The following A2ML1 variants were observed in gnomAD, a reference collection of about 807,000 sequenced individuals.
A2ML1 encodes the protein alpha-2-macroglobulin-like protein 1.
In A2ML1, 161 loss-of-function variants were observed where a neutral mutation model predicts 181.9. That is an observed-to-expected ratio of 0.89 (90% CI 0.78 to 1.01). The LOEUF is 1.01. A2ML1 is among the 50% of genes least tolerant of loss of function. The pLI is 0.00. For synonymous variants in A2ML1, 663 were observed against 666.8 expected (o/e 0.99, Z 0.09); for missense variants, 1,670 against 1,768.1 (o/e 0.94, Z 1.00).
intron 33 of A2ML1, among the ~76,000 whole-genome samples, chr12:8,872,049 G>C (rs1944642312): frequency 6.6e-6 from 1 of 152,002 alleles, no homozygotes; most frequent in African/African-American, 2.4e-5. Context: ...CGTGGTGGCA[G>C]GAGCCTGTAG....
chr12:8,852,456 T>G lies in A2ML1; in HGVS notation c.2590+120T>G, dbSNP rs1943926720. ...TTCCTCCTCCATTTTCCACTATTTT[T>G]CTCCCTCCTAAGGCTGTTATAAGTC... is the stretch of plus-strand genomic sequence containing the variant. On this transcript the variant is annotated intron_variant, in intron 20 of 35. Coordinates refer to ENST00000299698, the MANE Select transcript of A2ML1 (RefSeq NM_144670.6). The surrounding 1 kb of genome is among the most constrained non-coding windows in gnomAD (Gnocchi z 4.2). The G allele has an allele frequency of 4.8e-6, 7 of 1,452,990 alleles. No individual in the cohort carries two copies. In the East Asian group the frequency reaches 1.6e-4, roughly 33 times the overall value. The allele number at this position is 1,452,990 out of a possible 1,614,324, so 90.0% of individuals were successfully genotyped here.
At chr12:8,853,246 C>T (rs772318509) in intron 20 of A2ML1, among the ~76,000 whole-genome samples, 1 of 152,194 alleles carries the variant, frequency 6.6e-6, no homozygotes, top group Non-Finnish European at 1.5e-5. Context: ...CCCGCCTCAC[C>T]CTTCCAAAGT....
Position 8,851,868 on chromosome 12 carries a change from A to C in A2ML1, c.2319A>C (p.Ser773=). 1 of 1,614,216 alleles carries C rather than the reference A, an allele frequency of 6.2e-7. No homozygotes were observed. The highest frequency in any genetic ancestry group is 1.1e-5 in the South Asian group (1 of 91,088). Residue 773 remains serine (S), a synonymous_variant, in exon 19 of 36, where the codon TCA becomes TCC. Coordinates refer to ENST00000299698, the MANE Select transcript of A2ML1 (RefSeq NM_144670.6). Reference sequence around the variant, plus strand: ...CGATGAGTTTCTGCACTTCCCAGTCAAGAGGCTTCGGGCTTTCACCCACTG... The same window carrying C: ...CGATGAGTTTCTGCACTTCCCAGTCCAGAGGCTTCGGGCTTTCACCCACTG... ...WKAMSFCTSQ[S]RGFGLSPTVG...
chr12:8,864,200 C>CT (rs57329358), intron 29 of A2ML1, among the ~76,000 whole-genome samples, 192 bp downstream of exon 29: 11 of 150,240 alleles, frequency 7.3e-5, no homozygotes, highest in African/African-American at 2.7e-4. Context: ...ATTTAATTTT[C>CT]TTTTTTTTTT....
At chr12:8,841,630 G>T in intron 11 of A2ML1, 94 bp downstream of exon 11, 1 of 1,300,994 alleles carries the variant, frequency 7.7e-7, no homozygotes, top group Admixed American at 2.5e-5. Context: ...CCCTCTGCTT[G>T]GAATTACATC....
In A2ML1 at chr12:8,851,347, A is replaced by T. The variant is rs748685160; in HGVS notation, c.2235-437A>T. 2.4e-4 allele frequency among the ~76,000 whole-genome samples: 37 copies of T among 151,508 alleles called. 1 individual carries two copies. The South Asian group carries it at 7.7e-3, about 32-fold the overall frequency. ...CACTCACACTGAGACTCACCTGTTCAGTTGCCTCTTTACTTCTCCCCATAC... is the reference window on the plus strand; with the variant it reads ...CACTCACACTGAGACTCACCTGTTCTGTTGCCTCTTTACTTCTCCCCATAC... On this transcript the variant is annotated intron_variant, in intron 18 of 35. Coordinates refer to ENST00000299698, the MANE Select transcript of A2ML1 (RefSeq NM_144670.6).
At chr12:8,878,632 C>T (rs998208803), downstream of A2ML1, among the ~76,000 whole-genome samples, 2 of 152,152 alleles carry the variant, frequency 1.3e-5, no homozygotes, top group Non-Finnish European at 2.9e-5. This position sits in a 1 kb window ranked among gnomAD's most constrained non-coding sequence, Gnocchi z 4.4. Context: ...TGCATATTTA[C>T]CCCCTGAATC....
intron 7 of A2ML1, among the ~76,000 whole-genome samples, chr12:8,882,193 T>C (rs757900622): frequency 1.3e-5 from 2 of 151,724 alleles, no homozygotes; most frequent in African/African-American, 2.4e-5. Flanking sequence ...GAACAGGAAA[T>C]GAGAAGAGGA....
chr12:8,843,560 A>G (rs183774089), intron 12 of A2ML1, among the ~76,000 whole-genome samples, 199 bp downstream of exon 12: 1 of 152,312 alleles, frequency 6.6e-6, no homozygotes, highest in East Asian at 1.9e-4. Flanking sequence ...ATTATATCCA[A>G]AATATTAACA....
chr12:8,875,181 G>A (rs761676454), intron 35 of A2ML1, among the ~76,000 whole-genome samples, 169 bp downstream of exon 35: 1 of 151,964 alleles, frequency 6.6e-6, no homozygotes, highest in East Asian at 1.9e-4. Context: ...AGCTTCAAGC[G>A]ATTCTCCTGC....
intron 21 of A2ML1, 125 bp from the exon 22 acceptor site, chr12:8,854,655 C>G (rs1244358235): frequency 5.1e-6 from 5 of 976,198 alleles, no homozygotes. Context: ...CAGTGAGAAG[C>G]TCTTGTCTGC....
At chr12:8,868,475 T>TGTG (rs1555117780) in intron 31 of A2ML1, 62 bp from the exon 32 acceptor site, 39 of 1,595,408 alleles carry the variant, frequency 2.4e-5, no homozygotes, top group South Asian at 5.6e-5. Context: ...TGTGTGTGTG[T>TGTG]TGGGGATGCA....
Position 8,848,996 on chromosome 12 carries a change from G to C in A2ML1, c.2028+82G>C, listed in dbSNP as rs770757058. The C allele has an allele frequency of 1.4e-4, 202 of 1,470,040 alleles. 1 individual carries two copies. Among genetic ancestry groups the C allele is most frequent in the Middle Eastern group, 1.0e-3 (4 of 3,956 alleles). The allele number at this position is 1,470,040 out of a possible 1,614,324, so 91.1% of individuals were successfully genotyped here. On this transcript the variant is annotated intron_variant, in intron 16 of 35. Transcript: ENST00000299698. Reference sequence around the variant, plus strand: ...AGGAAAGTTCATATCTAAGAAAGCAGAGAGACTCATATGGGCACTGATGGG... The same window carrying C: ...AGGAAAGTTCATATCTAAGAAAGCACAGAGACTCATATGGGCACTGATGGG...
In A2ML1 at chr12:8,845,879, T is replaced by A. The variant is rs949513708; in HGVS notation, c.1538-198T>A. On this transcript the variant is annotated intron_variant, in intron 13 of 35. Coordinates refer to ENST00000299698, the MANE Select transcript of A2ML1 (RefSeq NM_144670.6). ...AAAAAAAAAAATAAATAAAATAAAA[T>A]AAAATAAAATAAAAAAATTCTTATC... 2.3e-3 allele frequency among the ~76,000 whole-genome samples: 227 copies of A among 98,134 alleles called. 18 individuals carry two copies. Among genetic ancestry groups the A allele is most frequent in the African/African-American group, 0.012 (213 of 17,396 alleles). 64.4% of individuals were successfully genotyped at this position (98,134 alleles called of 152,430 possible). A position where few individuals can be genotyped will look rare whatever the true frequency, so the allele number is the denominator to read the frequency against.
intron 7 of A2ML1, among the ~76,000 whole-genome samples, chr12:8,885,295 T>C (rs189290068): frequency 1.3e-5 from 2 of 152,222 alleles, no homozygotes. Context: ...TCTGTATTCC[T>C]AGCACTTTGG....
rs1720800547 is a variant in A2ML1, at chr12:8,822,706, G to A, written c.55G>A (p.Glu19Lys). 1 of 1,614,174 alleles carries A rather than the reference G, an allele frequency of 6.2e-7. No homozygotes were observed. The highest frequency in any genetic ancestry group is 1.3e-5 in the African/African-American group (1 of 75,074). Residue 19 changes from glutamate to lysine, a missense_variant, in exon 1 of 36, where the codon GAA becomes AAA. Coordinates refer to ENST00000299698, the MANE Select transcript of A2ML1 (RefSeq NM_144670.6). ...GGCCCTATCACCAGCCATTGCAGAA[G>A]AACTTCCGTGAGTGCTTGGTGTCAG... ...MLALSPAIAE[E>K]LPNYLVTLPA... is the part of the protein sequence containing the mutation.
chr12:8,880,209 C>CA (rs11302723), downstream of A2ML1, among the ~76,000 whole-genome samples: 91 of 151,858 alleles, frequency 6.0e-4, no homozygotes, highest in East Asian at 1.6e-3. Flanking sequence ...AGTAAAAATA[C>CA]AAAAAAATCA....
intron 1 of A2ML1, 27 bp downstream of exon 1, chr12:8,822,740 T>C (rs776510425): frequency 3.7e-6 from 6 of 1,611,378 alleles, no homozygotes; most frequent in Admixed American, 1.7e-5. Context: ...AGAATTGGTT[T>C]ATTAGGGCAG....
intron 7 of A2ML1, among the ~76,000 whole-genome samples, chr12:8,885,528 G>C (rs1944914000): frequency 6.6e-6 from 1 of 152,068 alleles, no homozygotes; most frequent in African/African-American, 2.4e-5. Context: ...TGCAATCTCA[G>C]CTCATTGCAA....
Sources: gnomAD v4.1 joint callset for allele counts (sites outside exome capture counted in the v4.1 genomes callset) on GRCh38, gnomAD v4.1.1 for gene constraint, Gnocchi (gnomAD v3.1) non-coding constraint, MANE v1.5 for transcripts, NCBI Gene and HGNC (gene_info 2026-07-23, HGNC 2026-07-21) for gene names.